Variants in NPRL3 observed in about 807,000 individuals in gnomAD.
NPRL3 encodes the protein NPR3 like, GATOR1 complex subunit.
Under a neutral mutation model 57.2 loss-of-function variants are expected in NPRL3, and 23 were observed. The observed-to-expected ratio is 0.40, with a 90% CI of 0.29 to 0.57. The LOEUF is 0.57. NPRL3 is among the 20% of genes least tolerant of loss of function. NPRL3 has a pLI of 0.42. For synonymous variants in NPRL3, 333 were observed against 321.1 expected (o/e 1.04, Z -0.39); for missense variants, 691 against 767.1 (o/e 0.90, Z 1.17).
chr16:132,053 T>C lies in NPRL3; in HGVS notation c.119-1462A>G, dbSNP rs546577036. ...CAGGGTATCACTCTGTCATCCAGAC[T>C]GGAGTGCGGTGGTGTGATCACCGTT... On this transcript the variant is annotated intron_variant, in intron 2 of 13. Transcript: ENST00000611875. 2.6e-5 allele frequency among the ~76,000 whole-genome samples: 4 copies of C among 151,542 alleles called. No homozygotes were observed. The East Asian group carries it at 5.8e-4, about 22-fold the overall frequency.
chr16:109,773 G>A (rs964536750), intron 7 of NPRL3, among the ~76,000 whole-genome samples: 6 of 151,984 alleles, frequency 3.9e-5, no homozygotes, highest in Non-Finnish European at 8.8e-5. Flanking sequence ...CAGTATAACA[G>A]GTGGGGAATG....
At chr16:105,635 T>C (rs1011973107) in intron 7 of NPRL3, among the ~76,000 whole-genome samples, 5 of 152,140 alleles carry the variant, frequency 3.3e-5, no homozygotes, top group African/African-American at 1.2e-4. Context: ...ACAGGTCCTG[T>C]TAACTCGGAG....
Position 88,799 on chromosome 16 carries a change from C to A in NPRL3, c.1443G>T (p.Arg481Ser), listed in dbSNP as rs1898620865. 8 of 1,613,618 alleles carry A rather than the reference C, an allele frequency of 5.0e-6. No homozygotes were observed. Among genetic ancestry groups the A allele is most frequent in the Non-Finnish European group, 6.8e-6 (8 of 1,179,832 alleles). ...LPSGDSPLNQ[R>S]MTENLLASLS... ...GGCTGGCCAGCAGGTTCTCCGTCAT[C>A]CTCTGGTTCAGTGGCGAGTCCCCGC... is the stretch of plus-strand genomic sequence containing the variant. Residue 481 changes from arginine to serine, a missense_variant, in exon 13 of 14, where the codon AGG becomes AGT. Coordinates refer to ENST00000611875, the MANE Select transcript of NPRL3 (RefSeq NM_001077350.3).
At chr16:124,668 T>C (rs1056417262) in intron 3 of NPRL3, among the ~76,000 whole-genome samples, 1 of 152,240 alleles carries the variant, frequency 6.6e-6, no homozygotes, top group African/African-American at 2.4e-5. Context: ...CACACCTGAC[T>C]TCCCTAAGCC....
At chr16:118,190 G>T (rs144260108) in intron 4 of NPRL3, among the ~76,000 whole-genome samples, 1 of 152,278 alleles carries the variant, frequency 6.6e-6, no homozygotes, top group East Asian at 1.9e-4. Context: ...AGAATTGCTG[G>T]ATCTGTATAA....
In NPRL3 at chr16:134,370, T is replaced by G. The variant is rs181164277; in HGVS notation, c.119-3779A>C. On this transcript the variant is annotated intron_variant, in intron 2 of 13. Transcript: ENST00000611875. Reference sequence around the variant, plus strand: ...TAATACTTTCCCGGAGTAAAAAAATTTAAAAACCTAGTGATGAATCTAAGA... The same window carrying G: ...TAATACTTTCCCGGAGTAAAAAAATGTAAAAACCTAGTGATGAATCTAAGA... Among the ~76,000 whole-genome samples the G allele has an allele frequency of 4.6e-5, 7 of 151,880 alleles. No homozygotes were observed. In the East Asian group the frequency reaches 1.3e-3, roughly 29 times the overall value.
intron 9 of NPRL3, among the ~76,000 whole-genome samples, chr16:94,798 G>A (rs1898918025): frequency 6.6e-6 from 1 of 152,034 alleles, no homozygotes; most frequent in Non-Finnish European, 1.5e-5. Context: ...CGTGCCACTC[G>A]CATGTCTCTC....
At chr16:136,962 C>T (rs1260184171) in intron 2 of NPRL3, among the ~76,000 whole-genome samples, 2 of 149,834 alleles carry the variant, frequency 1.3e-5, no homozygotes, top group East Asian at 3.9e-4. Context: ...AATCCCAGTA[C>T]TTTGGGAGGC....
chr16:131,840 T>C (rs1396357241), intron 2 of NPRL3, among the ~76,000 whole-genome samples: 4 of 152,158 alleles, frequency 2.6e-5, no homozygotes, highest in Non-Finnish European at 5.9e-5. Flanking sequence ...GACAGCACTT[T>C]ATCCACCACA....
chr16:137,182 T>G lies in NPRL3; in HGVS notation c.118+968A>C, dbSNP rs569929362. On this transcript the variant is annotated intron_variant, in intron 2 of 13. Transcript: ENST00000611875. ...CTGCAGTGAGCCGAGATCACGCCAC[T>G]CAACTCCAGCCTGGGCGACAGAGTG... Among the ~76,000 whole-genome samples the G allele has an allele frequency of 2.0e-5, 3 of 151,610 alleles. No individual in the cohort carries two copies. In the East Asian group the frequency reaches 5.9e-4, roughly 30 times the overall value.
chr16:135,200 A>G (rs1901014486), intron 2 of NPRL3, among the ~76,000 whole-genome samples: 1 of 152,224 alleles, frequency 6.6e-6, no homozygotes, highest in Non-Finnish European at 1.5e-5. Context: ...GGCCCAATCA[A>G]TCATCATTTG....
chr16:89,615 G>A (rs1434413466), intron 12 of NPRL3, 98 bp downstream of exon 12: 2 of 1,144,664 alleles, frequency 1.7e-6, no homozygotes, highest in Admixed American at 3.3e-5. Flanking sequence ...GCTGTGTGGA[G>A]GCCCCTCATC....
At chr16:134,922 C>T (rs1353285932) in intron 2 of NPRL3, among the ~76,000 whole-genome samples, 1 of 151,400 alleles carries the variant, frequency 6.6e-6, no homozygotes, top group Non-Finnish European at 1.5e-5. Flanking sequence ...AGGATGGTCT[C>T]GATCTCCTGA....
chr16:100,851 G>A lies in NPRL3; in HGVS notation c.630-342C>T, dbSNP rs376733002. ...CCAGGTGTGGTGGCGGGCGCCTGTA[G>A]TCCCAGCTACTCGGGAGGCTGAGGC... On this transcript the variant is annotated intron_variant, in intron 7 of 13. Transcript: ENST00000611875. 1.9e-3 allele frequency among the ~76,000 whole-genome samples: 288 copies of A among 149,382 alleles called. 1 individual carries two copies. Among genetic ancestry groups the A allele is most frequent in the African/African-American group, 6.4e-3 (260 of 40,354 alleles).
At chr16:88,457 G>T (rs1330004238) in intron 13 of NPRL3, among the ~76,000 whole-genome samples, 1 of 151,952 alleles carries the variant, frequency 6.6e-6, no homozygotes, top group Admixed American at 6.5e-5. Flanking sequence ...AGAAGTACTG[G>T]AGAGAGAAGA....
chr16:88,675 C>T (rs766284860), intron 13 of NPRL3, 23 bp downstream of exon 13: 2 of 1,591,772 alleles, frequency 1.3e-6, no homozygotes, highest in African/African-American at 2.7e-5. Flanking sequence ...GGCCCCAGTC[C>T]CAACGGGTCA....
In NPRL3 at chr16:138,354, A is replaced by G. The variant is rs1229931842; in HGVS notation, c.-67-20T>C. 2.0e-5 allele frequency: 11 copies of G among 549,858 alleles called. No individual in the cohort carries two copies. Among genetic ancestry groups the G allele is most frequent in the African/African-American group, 8.4e-5 (2 of 23,886 alleles). 34.1% of individuals were successfully genotyped at this position (549,858 alleles called of 1,614,324 possible). On this transcript the variant is annotated intron_variant, in intron 1 of 13. Coordinates refer to ENST00000611875, the MANE Select transcript of NPRL3 (RefSeq NM_001077350.3). ...GGGGGCCTGAGGAGGACGGAGCCGG[A>G]GGCGGAGGGGGCCTGAGGAGGACGA...
At chr16:136,656 C>T (rs1299277410) in intron 2 of NPRL3, among the ~76,000 whole-genome samples, 2 of 149,780 alleles carry the variant, frequency 1.3e-5, no homozygotes, top group South Asian at 2.1e-4. Flanking sequence ...CGCCACTGCA[C>T]TCCAGCCTGG....
At chr16:98,655 A>T (rs1899135283) in intron 8 of NPRL3, among the ~76,000 whole-genome samples, 1 of 152,232 alleles carries the variant, frequency 6.6e-6, no homozygotes, top group South Asian at 2.1e-4. Context: ...CCTTCACAAA[A>T]TCTGCCAAGG....
Sources: allele counts gnomAD v4.1 joint callset (sites outside exome capture counted in the v4.1 genomes callset), GRCh38; gene constraint gnomAD v4.1.1; transcripts MANE v1.5; gene names NCBI Gene and HGNC (gene_info 2026-07-23, HGNC 2026-07-21).